Variants in NBAS observed in about 807,000 individuals in gnomAD.
The protein encoded by NBAS is NAG/BC035112 fusion.
Under a neutral mutation model 302.5 loss-of-function variants are expected in NBAS, and 219 were observed. That is an observed-to-expected ratio of 0.72 (90% CI 0.65 to 0.81). The LOEUF (loss-of-function observed/expected upper bound fraction) is 0.81. Ranked by LOEUF, NBAS falls within the 30% of genes least tolerant of loss-of-function variation. The pLI, the probability that NBAS is intolerant of heterozygous loss-of-function variation, is 0.00. For synonymous variants in NBAS, 1,118 were observed against 1,021.6 expected (o/e 1.09, Z -1.80); for missense variants, 2,932 against 2,841.6 (o/e 1.03, Z -0.72).
At chr2:15,063,172 C>T in the NBAS span, among the ~76,000 whole-genome samples, 1 of 152,186 alleles carries the variant, frequency 6.6e-6, no homozygotes, top group Non-Finnish European at 1.5e-5. Flanking sequence ...CAGTTCAGTG[C>T]CTGACAGAGA....
chr2:14,950,454 T>G, the NBAS span, among the ~76,000 whole-genome samples: 2 of 152,234 alleles, frequency 1.3e-5, no homozygotes, highest in African/African-American at 2.4e-5. Flanking sequence ...TTTAAGGTGA[T>G]GGATATCTCA....
At chr2:15,186,083 T>C (rs1408375148) in intron 50 of NBAS, among the ~76,000 whole-genome samples, 2 of 129,004 alleles carry the variant, frequency 1.6e-5, no homozygotes, top group South Asian at 2.5e-4. Context: ...TACATATATA[T>C]ATACACACAC....
the NBAS span, among the ~76,000 whole-genome samples, chr2:14,956,454 T>C: frequency 6.6e-6 from 1 of 152,136 alleles, no homozygotes; most frequent in Non-Finnish European, 1.5e-5. Flanking sequence ...ATGGTATCCT[T>C]ATAGAACCCC....
At chr2:14,814,292 A>G in the NBAS span, among the ~76,000 whole-genome samples, 258 of 152,330 alleles carry the variant, frequency 1.7e-3, 1 homozygote, top group Middle Eastern at 6.8e-3. Context: ...TGGTAGATCC[A>G]CTGACAGTTT....
At chr2:15,018,595 CTCTT>C in the NBAS span, among the ~76,000 whole-genome samples, 5 of 151,998 alleles carry the variant, frequency 3.3e-5, no homozygotes, top group African/African-American at 4.8e-5. Flanking sequence ...GAAAAAAACT[CTCTT>C]TCTAAAATAA....
chr2:14,962,366 G>T, the NBAS span, among the ~76,000 whole-genome samples: 1 of 152,166 alleles, frequency 6.6e-6, no homozygotes, highest in African/African-American at 2.4e-5. Context: ...GAAACAGAAA[G>T]AAATTTCTTA....
chr2:15,143,972 G>A, the NBAS span, among the ~76,000 whole-genome samples: 2 of 148,030 alleles, frequency 1.4e-5, no homozygotes, highest in South Asian at 4.4e-4. Flanking sequence ...TTGCTCCTCA[G>A]ACCACAGATA....
chr2:15,467,643 G>C, intron 18 of NBAS, 21 bp downstream of exon 18: 1 of 1,603,342 alleles, frequency 6.2e-7, no homozygotes, highest in Non-Finnish European at 8.5e-7. Flanking sequence ...ACTATCAAAT[G>C]AACAGTAACA....
chr2:14,911,150 T>C, the NBAS span, among the ~76,000 whole-genome samples: 1 of 152,216 alleles, frequency 6.6e-6, no homozygotes, highest in Admixed American at 6.5e-5. Flanking sequence ...TTCAAGATGT[T>C]ATCGAAAGCA....
intron 9 of NBAS, among the ~76,000 whole-genome samples, chr2:15,520,440 A>C (rs1662609826): frequency 6.6e-6 from 1 of 152,164 alleles, no homozygotes; most frequent in Admixed American, 6.5e-5. Context: ...TACGAAGTTC[A>C]ATACGCCTTA....
intron 3 of NBAS, 111 bp downstream of exon 3, chr2:15,556,672 G>A: frequency 9.6e-7 from 1 of 1,044,682 alleles, no homozygotes; most frequent in Non-Finnish European, 1.5e-6. Context: ...TTGCCTGAAT[G>A]TCAGCAACTT....
intron 10 of NBAS, among the ~76,000 whole-genome samples, chr2:15,505,577 C>T (rs1478747779): frequency 2.0e-5 from 3 of 152,010 alleles, no homozygotes; most frequent in Non-Finnish European, 4.4e-5. Flanking sequence ...AAAACAAAAC[C>T]GAAAAAATCT....
chr2:15,381,800 T>C (rs1675048010), intron 29 of NBAS, among the ~76,000 whole-genome samples: 1 of 152,210 alleles, frequency 6.6e-6, no homozygotes, highest in Non-Finnish European at 1.5e-5. Context: ...TAGTTATTCA[T>C]GCATTTAAAA....
At chr2:14,975,816 C>A in the NBAS span, among the ~76,000 whole-genome samples, 448 of 149,026 alleles carry the variant, frequency 3.0e-3, 1 homozygote, top group African/African-American at 0.011. Flanking sequence ...ATTGTTTCAT[C>A]ATGACTGGTA....
chr2:15,558,934 C>A (rs185148283), intron 1 of NBAS, among the ~76,000 whole-genome samples: 1 of 151,546 alleles, frequency 6.6e-6, no homozygotes. Flanking sequence ...CCAGGCATGG[C>A]GGTGCATGCC....
chr2:15,174,258 G>A (rs1441841781), intron 51 of NBAS, among the ~76,000 whole-genome samples: 1 of 152,186 alleles, frequency 6.6e-6, no homozygotes, highest in East Asian at 1.9e-4. Flanking sequence ...AAATCTTTAT[G>A]GTTCTCCCCC....
intron 38 of NBAS, among the ~76,000 whole-genome samples, chr2:15,309,471 A>T (rs1168437624): frequency 6.6e-6 from 1 of 152,188 alleles, no homozygotes; most frequent in Non-Finnish European, 1.5e-5. Flanking sequence ...CTTACACATG[A>T]GGAAATTCTG....
the NBAS span, among the ~76,000 whole-genome samples, chr2:14,938,058 G>A: frequency 6.6e-6 from 1 of 152,110 alleles, no homozygotes; most frequent in Non-Finnish European, 1.5e-5. Context: ...AACCTGGGAG[G>A]TGGAGGTTGC....
At chr2:15,085,808 T>A in the NBAS span, among the ~76,000 whole-genome samples, 198 of 152,294 alleles carry the variant, frequency 1.3e-3, no homozygotes, top group Middle Eastern at 3.4e-3. Flanking sequence ...GTGCACACGC[T>A]GGGGGCAGTG....
Sources: allele counts gnomAD v4.1 joint callset (sites outside exome capture counted in the v4.1 genomes callset), GRCh38; gene constraint gnomAD v4.1.1; transcripts MANE v1.5; gene names NCBI Gene and HGNC (gene_info 2026-07-23, HGNC 2026-07-21).